Variants in NUTF2 observed in about 807,000 individuals in gnomAD.
NUTF2 encodes placental protein 15.
Under a neutral mutation model 18.5 loss-of-function variants are expected in NUTF2, and 3 were observed. That is an observed-to-expected ratio of 0.16 (90% CI 0.07 to 0.42). The LOEUF is 0.42. Among genes scored for constraint, NUTF2 ranks in the 10% least tolerant of loss-of-function variants. The probability of loss-of-function intolerance (pLI) is 0.99; values close to 1 mark genes in which losing one functional copy is unlikely to be tolerated. For synonymous variants in NUTF2, 51 were observed against 57.9 expected, an observed-to-expected ratio of 0.88 and a Z score of 0.54; for missense variants, 44 against 160.7, an observed-to-expected ratio of 0.27 and a Z score of 3.93.
At chr16:67,859,787 C>T (rs1049584288) in intron 1 of NUTF2, among the ~76,000 whole-genome samples, 30 of 141,956 alleles carry the variant, frequency 2.1e-4, no homozygotes, top group South Asian at 4.6e-4. Flanking sequence ...TGAGCCACTG[C>T]GCCAGGCCTT....
chr16:67,871,503 C>G lies in NUTF2; in HGVS notation c.*590C>G, dbSNP rs1437532901. 6.6e-6 allele frequency: 1 copy of G among 152,252 alleles called. No individual in the cohort carries two copies. Among genetic ancestry groups the G allele is most frequent in the African/African-American group, 2.4e-5 (1 of 41,408 alleles). 9.4% of individuals were successfully genotyped at this position (152,252 alleles called of 1,614,324 possible). On this transcript the variant is annotated 3_prime_UTR_variant, in exon 5 of 5. Transcript: ENST00000219169. ...CGTGTAGGGCAGTTCTCTCCCACTC[C>G]ACAGGGCGACTGGTCTTTGGAAAGC...
At chr16:67,870,163 G>A (rs2058001842) in intron 4 of NUTF2, 1 of 152,426 alleles carries the variant, frequency 6.6e-6, no homozygotes, top group Non-Finnish European at 1.5e-5. Context: ...ACCGGCTTCA[G>A]GTTCTTCCTG....
intron 1 of NUTF2, chr16:67,847,501 C>T (rs1019185785): frequency 6.6e-6 from 1 of 152,384 alleles, no homozygotes; most frequent in Non-Finnish European, 1.5e-5. Context: ...GCCCCTCACC[C>T]TGTTCCCGAC....
At chr16:67,870,411 T>C (rs2058003162) in intron 4 of NUTF2, 1 of 181,982 alleles carries the variant, frequency 5.5e-6, no homozygotes, top group African/African-American at 2.4e-5. Flanking sequence ...TTTTCAAGAT[T>C]GTTTGCAGTT....
At chr16:67,863,036 G>A (rs1259159016) in intron 1 of NUTF2, among the ~76,000 whole-genome samples, 1 of 152,190 alleles carries the variant, frequency 6.6e-6, no homozygotes, top group East Asian at 1.9e-4. Flanking sequence ...GAGTGACTAA[G>A]CATAGCAAGT....
At chr16:67,867,380 G>A (rs2057980442) in intron 2 of NUTF2, among the ~76,000 whole-genome samples, 1 of 152,218 alleles carries the variant, frequency 6.6e-6, no homozygotes, top group South Asian at 2.1e-4. Context: ...CCCTTTGAAG[G>A]TTAGGAAACT....
At chr16:67,852,103 G>A (rs193162630) in intron 1 of NUTF2, among the ~76,000 whole-genome samples, 2 of 152,152 alleles carry the variant, frequency 1.3e-5, no homozygotes, top group Admixed American at 1.3e-4. Flanking sequence ...CATTGCTTGA[G>A]GCCAGGAGTT....
intron 1 of NUTF2, among the ~76,000 whole-genome samples, chr16:67,851,211 G>A (rs942911474): frequency 4.1e-5 from 6 of 147,352 alleles, no homozygotes; most frequent in Non-Finnish European, 7.7e-5. Flanking sequence ...GGCAGGGTGC[G>A]GTGGCTCATG....
rs568362396 is a variant in NUTF2 at position 67,871,020 on chromosome 16, C to T, written c.*107C>T. 25 of 830,652 alleles carry T rather than the reference C, an allele frequency of 3.0e-5. No homozygotes were observed. Among genetic ancestry groups the T allele is most frequent in the African/African-American group, 2.9e-4 (17 of 59,276 alleles). The allele number at this position is 830,652 out of a possible 1,614,324, so 51.5% of individuals were successfully genotyped here. On this transcript the variant is annotated 3_prime_UTR_variant, in exon 5 of 5. Transcript: ENST00000219169. ...TATCATGCACAAATGAGCAGGGCCG[C>T]GGTGGGAGTGGGCGCAGTGCGCTGC...
intron 1 of NUTF2, among the ~76,000 whole-genome samples, chr16:67,850,302 T>A (rs2151293661): frequency 6.6e-6 from 1 of 151,384 alleles, no homozygotes; most frequent in South Asian, 2.1e-4. Flanking sequence ...CCTCCCGGGT[T>A]CACGCCATTC....
intron 1 of NUTF2, among the ~76,000 whole-genome samples, chr16:67,853,402 G>C (rs1250878104): frequency 6.6e-6 from 1 of 152,284 alleles, no homozygotes; most frequent in African/African-American, 2.4e-5. Flanking sequence ...CTGTCTCCCA[G>C]GCTGGAGTGC....
chr16:67,869,380 C>T (rs1290441166), intron 4 of NUTF2, among the ~76,000 whole-genome samples: 1 of 150,952 alleles, frequency 6.6e-6, no homozygotes, highest in East Asian at 2.0e-4. Context: ...CCACCTATTT[C>T]TCTTTGCATT....
At chr16:67,853,823 T>A (rs1022503492) in intron 1 of NUTF2, among the ~76,000 whole-genome samples, 1 of 151,896 alleles carries the variant, frequency 6.6e-6, no homozygotes, top group African/African-American at 2.4e-5. Context: ...GTTTTACAAC[T>A]TCTTGTAGAG....
intron 1 of NUTF2, among the ~76,000 whole-genome samples, chr16:67,849,328 G>A (rs2057834142): frequency 6.6e-6 from 1 of 152,198 alleles, no homozygotes; most frequent in African/African-American, 2.4e-5. Context: ...GGCCCTGGGT[G>A]ACTTGACCAG....
intron 1 of NUTF2, among the ~76,000 whole-genome samples, chr16:67,862,675 A>G (rs1303956501): frequency 6.6e-6 from 1 of 152,136 alleles, no homozygotes. Flanking sequence ...TCTCTACAGA[A>G]AACACAAAAA....
chr16:67,859,349 ATTT>A (rs35560481), intron 1 of NUTF2, among the ~76,000 whole-genome samples: 5 of 131,908 alleles, frequency 3.8e-5, no homozygotes, highest in African/African-American at 1.2e-4. Flanking sequence ...CCAGCTGATG[ATTT>A]TTTTTTTTTT....
intron 1 of NUTF2, among the ~76,000 whole-genome samples, chr16:67,854,086 G>A (rs1473238378): frequency 6.6e-6 from 1 of 152,222 alleles, no homozygotes; most frequent in African/African-American, 2.4e-5. Flanking sequence ...AAGTAGCTGG[G>A]ACTACAGGCA....
At chr16:67,859,556 C>CT (rs1196081114) in intron 1 of NUTF2, among the ~76,000 whole-genome samples, 1 of 152,028 alleles carries the variant, frequency 6.6e-6, no homozygotes, top group Non-Finnish European at 1.5e-5. Flanking sequence ...CGGGATTTCT[C>CT]TATGTTGGCC....
intron 1 of NUTF2, among the ~76,000 whole-genome samples, chr16:67,849,405 G>C (rs1007267751): frequency 7.2e-5 from 11 of 152,110 alleles, no homozygotes; most frequent in African/African-American, 2.2e-4. Flanking sequence ...GCTGTGGTGC[G>C]ATGTCGGCTC....
Sources: gnomAD v4.1 joint callset for allele counts (sites outside exome capture counted in the v4.1 genomes callset) on GRCh38, gnomAD v4.1.1 for gene constraint, MANE v1.5 for transcripts, NCBI Gene and HGNC (gene_info 2026-07-23, HGNC 2026-07-21) for gene names.